Variants in MAGI2 observed in about 807,000 individuals in gnomAD.
MAGI2 encodes membrane-associated guanylate kinase, WW and PDZ domain-containing protein 2.
In MAGI2, 35 loss-of-function variants were observed where a neutral mutation model predicts 133.3. That is an observed-to-expected ratio of 0.26 (90% CI 0.20 to 0.35). The LOEUF is 0.35. MAGI2 is among the 10% of genes least tolerant of loss of function. The pLI, the probability that MAGI2 is intolerant of heterozygous loss-of-function variation, is 1.00. For missense variants in MAGI2, 1,636 were observed against 1,863.4 expected, an observed-to-expected ratio of 0.88 and a Z score of 2.25; for synonymous variants, 729 against 710.6, an observed-to-expected ratio of 1.03 and a Z score of -0.41.
intron 2 of MAGI2, among the ~76,000 whole-genome samples, chr7:79,003,519 G>A (rs1807107884): frequency 6.6e-6 from 1 of 152,144 alleles, no homozygotes; most frequent in Admixed American, 6.5e-5. Flanking sequence ...GTCTTCAGTA[G>A]TCTGTTTTCC....
At chr7:79,312,457 T>C (rs1838360994) in intron 1 of MAGI2, among the ~76,000 whole-genome samples, 1 of 152,186 alleles carries the variant, frequency 6.6e-6, no homozygotes, top group African/African-American at 2.4e-5. Flanking sequence ...TGATTTTCCA[T>C]CTTTACTCAA....
At position 79,307,470 on chromosome 7, in the gene MAGI2, G is replaced by A. The variant is rs149339382; in HGVS notation, c.301+145550C>T. On this transcript the variant is annotated intron_variant, in intron 1 of 21. Transcript: ENST00000354212. ...TCCCTAGAAGGTAAAATGTGTCAGG[G>A]TGTGAGAAAATTGCTGTCTGGCAGG... 2.5e-3 allele frequency among the ~76,000 whole-genome samples: 376 copies of A among 152,270 alleles called. 2 individuals are homozygous for A. The highest frequency in any genetic ancestry group is 8.7e-3 in the African/African-American group (362 of 41,550).
At chr7:79,163,020 A>C (rs1824525476) in intron 1 of MAGI2, among the ~76,000 whole-genome samples, 1 of 152,048 alleles carries the variant, frequency 6.6e-6, no homozygotes, top group South Asian at 2.1e-4. Context: ...GGGACAAAAA[A>C]CAAAACAAAA....
rs555731995 is a variant in MAGI2, at chr7:78,858,215, T to C, written c.418+148875A>G. On this transcript the variant is annotated intron_variant, in intron 2 of 21. Transcript: ENST00000354212. ...TTCAAAAAACCAGCTCCTGGATTCA[T>C]TGATCTTTTGAAGGGTTTTTTTGTG... Among the ~76,000 whole-genome samples the C allele has an allele frequency of 1.4e-4, 21 of 152,326 alleles. 1 individual carries two copies. In the South Asian group the frequency reaches 4.1e-3, roughly 30 times the overall value.
chr7:78,431,894 A>G (rs887872927), intron 6 of MAGI2, among the ~76,000 whole-genome samples: 1 of 152,084 alleles, frequency 6.6e-6, no homozygotes, highest in African/African-American at 2.4e-5. Context: ...AGATTCCATG[A>G]AATAGAGTTT....
intron 1 of MAGI2, among the ~76,000 whole-genome samples, chr7:79,105,901 TAATA>T (rs1818414437): frequency 6.6e-6 from 1 of 152,136 alleles, no homozygotes; most frequent in Non-Finnish European, 1.5e-5. Flanking sequence ...TTAAACACAT[TAATA>T]AATCCATGTT....
At chr7:78,383,975 C>T (rs1795154410) in intron 6 of MAGI2, among the ~76,000 whole-genome samples, 1 of 152,016 alleles carries the variant, frequency 6.6e-6, no homozygotes, top group Admixed American at 6.6e-5. Context: ...ATACCAATAC[C>T]ATGTTGTTTT....
intron 2 of MAGI2, among the ~76,000 whole-genome samples, chr7:78,734,409 AG>A (rs1195031535): frequency 6.6e-6 from 1 of 152,160 alleles, no homozygotes; most frequent in East Asian, 1.9e-4. Flanking sequence ...TTGCCTAAAG[AG>A]GCTTATGTTC....
chr7:78,152,422 C>T (rs1313015908), intron 16 of MAGI2, among the ~76,000 whole-genome samples: 1 of 152,114 alleles, frequency 6.6e-6, no homozygotes, highest in African/African-American at 2.4e-5. Context: ...ATATTTGTAT[C>T]AGGAGTGTTA....
chr7:78,399,710 C>T (rs1796673828), intron 6 of MAGI2, among the ~76,000 whole-genome samples: 1 of 144,570 alleles, frequency 6.9e-6, no homozygotes, highest in Non-Finnish European at 1.5e-5. Flanking sequence ...GAGGCTGAGG[C>T]ACAAGAATAA....
At chr7:78,245,532 G>C (rs1347114190) in intron 10 of MAGI2, among the ~76,000 whole-genome samples, 1 of 152,124 alleles carries the variant, frequency 6.6e-6, no homozygotes, top group East Asian at 1.9e-4. Flanking sequence ...GAGAGCACTA[G>C]TGCACATCAA....
chr7:79,157,249 C>A (rs1407389428), intron 1 of MAGI2, among the ~76,000 whole-genome samples: 1 of 152,020 alleles, frequency 6.6e-6, no homozygotes, highest in Admixed American at 6.6e-5. Flanking sequence ...CCAAAAGGCA[C>A]CCTTAGGTGA....
chr7:78,875,202 T>C (rs529121318), intron 2 of MAGI2, among the ~76,000 whole-genome samples: 2 of 152,220 alleles, frequency 1.3e-5, no homozygotes, highest in African/African-American at 4.8e-5. Flanking sequence ...AAGAAATCTA[T>C]CCTCAAAAGT....
Position 78,869,004 on chromosome 7 carries a change from C to T in MAGI2, c.418+138086G>A, listed in dbSNP as rs530212682. On this transcript the variant is annotated intron_variant, in intron 2 of 21. Coordinates refer to ENST00000354212, the MANE Select transcript of MAGI2 (RefSeq NM_012301.4). ...TTCTGACCTTGTGATCCGCCCGCCT[C>T]GGCCTCCCAAAGTGCTAGGATTACA... Among the ~76,000 whole-genome samples, 168 of 152,306 alleles carry T rather than the reference C, an allele frequency of 1.1e-3. 1 individual carries two copies. Among genetic ancestry groups the T allele is most frequent in the African/African-American group, 4.0e-3 (166 of 41,574 alleles).
chr7:79,123,282 C>T (rs1353296959), intron 1 of MAGI2, among the ~76,000 whole-genome samples: 4 of 152,120 alleles, frequency 2.6e-5, no homozygotes, highest in Non-Finnish European at 5.9e-5. Context: ...TAAACAGCTT[C>T]TCTTTTTCTC....
intron 3 of MAGI2, chr7:78,583,573 A>C (rs1174081712): frequency 1.3e-5 from 2 of 152,106 alleles, no homozygotes; most frequent in Non-Finnish European, 2.9e-5. Context: ...AAAAACAAAA[A>C]TTTCCCCCAA....
intron 2 of MAGI2, among the ~76,000 whole-genome samples, chr7:78,914,535 GT>G (rs1798641178): frequency 6.6e-6 from 1 of 152,046 alleles, no homozygotes; most frequent in Non-Finnish European, 1.5e-5. Context: ...ACTAACAATG[GT>G]TTTTCATTTC....
rs578216207 is a variant in MAGI2 at position 78,693,015 on chromosome 7, G to A, written c.419-65776C>T. Among the ~76,000 whole-genome samples, 59 of 152,288 alleles carry A rather than the reference G, an allele frequency of 3.9e-4. 1 individual carries two copies. The highest frequency in any genetic ancestry group is 1.4e-3 in the African/African-American group (58 of 41,562). On this transcript the variant is annotated intron_variant, in intron 2 of 21. Transcript: ENST00000354212. ...AGGCCGCATCAGAGATCAGTATCTA[G>A]TGAGCAACATGTACGGTGAAAATCT...
chr7:78,614,202 C>G (rs1403136996), intron 3 of MAGI2, among the ~76,000 whole-genome samples: 1 of 150,628 alleles, frequency 6.6e-6, no homozygotes, highest in Non-Finnish European at 1.5e-5. Flanking sequence ...TCCTCTCCAA[C>G]TAAAAACATA....
Sources: gnomAD v4.1 joint callset for allele counts (sites outside exome capture counted in the v4.1 genomes callset) on GRCh38, gnomAD v4.1.1 for gene constraint, MANE v1.5 for transcripts, NCBI Gene and HGNC (gene_info 2026-07-23, HGNC 2026-07-21) for gene names.